Variants in RASGEF1C observed in about 807,000 individuals in gnomAD.
RASGEF1C encodes ras-GEF domain-containing family member 1C.
RASGEF1C carries 27 observed loss-of-function variants against 58.1 expected under a neutral mutation model. That is an observed-to-expected ratio of 0.46 (90% CI 0.34 to 0.64). The LOEUF (loss-of-function observed/expected upper bound fraction) is 0.64. Among genes scored for constraint, RASGEF1C ranks in the 30% least tolerant of loss-of-function variants. RASGEF1C has a pLI of 0.01. For synonymous variants in RASGEF1C, 243 were observed against 246.3 expected (o/e 0.99, Z 0.13); for missense variants, 502 against 605.1 (o/e 0.83, Z 1.79).
chr5:180,117,364 C>T (rs1258245383), intron 10 of RASGEF1C, among the ~76,000 whole-genome samples: 3 of 152,248 alleles, frequency 2.0e-5, no homozygotes, highest in Non-Finnish European at 2.9e-5. Context: ...ACTGGCTTCC[C>T]TCCAGTGCAA....
intron 11 of RASGEF1C, among the ~76,000 whole-genome samples, chr5:180,113,706 G>C (rs1236181913): frequency 1.4e-5 from 2 of 139,912 alleles, no homozygotes; most frequent in South Asian, 2.4e-4. Context: ...CGGAGGGATC[G>C]GGGATGGATG....
intron 1 of RASGEF1C, among the ~76,000 whole-genome samples, chr5:180,163,839 A>G (rs1766980885): frequency 6.6e-6 from 1 of 152,326 alleles, no homozygotes; most frequent in South Asian, 2.1e-4. Flanking sequence ...GATTGGTAGA[A>G]TTTACCAGTA....
chr5:180,107,108 C>T (rs979184317), intron 12 of RASGEF1C, among the ~76,000 whole-genome samples: 4 of 152,130 alleles, frequency 2.6e-5, no homozygotes, highest in Admixed American at 6.5e-5. Flanking sequence ...TTAATATTAG[C>T]ATGCTATATC....
At chr5:180,164,385 C>G (rs1424830061) in intron 1 of RASGEF1C, among the ~76,000 whole-genome samples, 1 of 152,098 alleles carries the variant, frequency 6.6e-6, no homozygotes, top group South Asian at 2.1e-4. Flanking sequence ...AAAAGATTTT[C>G]CTTGACAAGA....
intron 1 of RASGEF1C, among the ~76,000 whole-genome samples, chr5:180,152,978 G>T (rs1267509262): frequency 1.3e-5 from 2 of 151,368 alleles, no homozygotes; most frequent in African/African-American, 4.9e-5. Flanking sequence ...AGGTATAAAT[G>T]GTAAGTCTTC....
At chr5:180,204,680 T>A (rs1756459777) in intron 1 of RASGEF1C, among the ~76,000 whole-genome samples, 1 of 151,838 alleles carries the variant, frequency 6.6e-6, no homozygotes, top group African/African-American at 2.4e-5. Context: ...TCTCTTCCCA[T>A]CCTAAAGTCA....
chr5:180,136,715 C>T, intron 3 of RASGEF1C, 200 bp from the exon 4 acceptor site: 1 of 595,124 alleles, frequency 1.7e-6, no homozygotes, highest in Non-Finnish European at 2.9e-6. Context: ...TGGGCAGGGC[C>T]ATCTCTTGCT....
chr5:180,170,371 C>G (rs1220709477), intron 1 of RASGEF1C, among the ~76,000 whole-genome samples: 1 of 152,222 alleles, frequency 6.6e-6, no homozygotes, highest in Non-Finnish European at 1.5e-5. Flanking sequence ...AAACAAGCGT[C>G]CTATTTACCA....
At chr5:180,113,725 C>G (rs752524841) in intron 11 of RASGEF1C, among the ~76,000 whole-genome samples, 42 of 43,322 alleles carry the variant, frequency 9.7e-4, no homozygotes, top group Non-Finnish European at 1.0e-3. Flanking sequence ...TGGAGGGATC[C>G]GGGCTGGACG....
At chr5:180,200,806 A>G (rs1005336912) in intron 1 of RASGEF1C, among the ~76,000 whole-genome samples, 1 of 152,032 alleles carries the variant, frequency 6.6e-6, no homozygotes, top group Non-Finnish European at 1.5e-5. Context: ...CGCTCCTCTA[A>G]CTGGTGTGGG....
Position 180,196,529 on chromosome 5 carries a change from A to C in RASGEF1C, c.-7+12499T>G, listed in dbSNP as rs1287446860. 2.6e-5 allele frequency among the ~76,000 whole-genome samples: 4 copies of C among 151,860 alleles called. No individual in the cohort carries two copies. The East Asian group carries it at 7.7e-4, about 29-fold the overall frequency. Reference sequence around the variant, plus strand: ...AGAAAAAAAAAGAAAAAAAAAAAAGAAATAGTATTGTTCAGGTTTTGTATT... The same window carrying C: ...AGAAAAAAAAAGAAAAAAAAAAAAGCAATAGTATTGTTCAGGTTTTGTATT... On this transcript the variant is annotated intron_variant, in intron 1 of 13. Coordinates refer to ENST00000361132, the MANE Select transcript of RASGEF1C (RefSeq NM_175062.4).
chr5:180,186,041 G>A (rs1756029361), intron 1 of RASGEF1C, among the ~76,000 whole-genome samples: 1 of 145,528 alleles, frequency 6.9e-6, no homozygotes, highest in Admixed American at 7.0e-5. Context: ...AGGTTGCAGT[G>A]AGCCAAGATC....
chr5:180,161,734 C>G (rs544202505), intron 1 of RASGEF1C, among the ~76,000 whole-genome samples: 2 of 152,384 alleles, frequency 1.3e-5, no homozygotes, highest in Non-Finnish European at 2.9e-5. Context: ...AGCCCCCTCC[C>G]TCCTGCGCGT....
chr5:180,156,275 G>A lies in RASGEF1C; in HGVS notation c.-6-18217C>T, dbSNP rs990716175. ...GACGGCACTGCCCCTGCTGGACGGAGGCTCCAGGAGGTGAGCGGATCAGTC... is the reference window on the plus strand; with the variant it reads ...GACGGCACTGCCCCTGCTGGACGGAAGCTCCAGGAGGTGAGCGGATCAGTC... On this transcript the variant is annotated intron_variant, in intron 1 of 13. Transcript: ENST00000361132. The surrounding 1 kb of genome is among the most constrained non-coding windows in gnomAD (Gnocchi z 4.9). Among the ~76,000 whole-genome samples the A allele has an allele frequency of 6.6e-6, 1 of 152,212 alleles. No individual in the cohort carries two copies. Among genetic ancestry groups the A allele is most frequent in the African/African-American group, 2.4e-5 (1 of 41,452 alleles).
At chr5:180,176,782 T>C (rs1043722719) in intron 1 of RASGEF1C, among the ~76,000 whole-genome samples, 7 of 152,112 alleles carry the variant, frequency 4.6e-5, no homozygotes, top group Non-Finnish European at 1.0e-4. Context: ...GGTCTCGATC[T>C]CCTGACTTCA....
chr5:180,119,507 C>T, intron 7 of RASGEF1C, 59 bp from the exon 8 acceptor site: 3 of 1,324,244 alleles, frequency 2.3e-6, no homozygotes, highest in Non-Finnish European at 3.2e-6. Flanking sequence ...CCTGATCAGG[C>T]CCGCTCCCCT....
At chr5:180,172,348 G>A (rs1292591912) in intron 1 of RASGEF1C, among the ~76,000 whole-genome samples, 5 of 152,024 alleles carry the variant, frequency 3.3e-5, no homozygotes, top group Non-Finnish European at 7.4e-5. Context: ...AGGCAGGAAC[G>A]GCCACCTGGC....
intron 1 of RASGEF1C, among the ~76,000 whole-genome samples, chr5:180,148,236 G>C (rs956522081): frequency 1.3e-5 from 2 of 151,874 alleles, no homozygotes; most frequent in African/African-American, 4.8e-5. Context: ...TTATGACTTT[G>C]GATCTAAAAT....
intron 12 of RASGEF1C, 31 bp downstream of exon 12, chr5:180,111,426 A>G (rs774240734): frequency 6.2e-7 from 1 of 1,613,838 alleles, no homozygotes; most frequent in Non-Finnish European, 8.5e-7. Flanking sequence ...TCCGTGGCCC[A>G]GTAGGCAGGA....
Sources: allele counts gnomAD v4.1 joint callset (sites outside exome capture counted in the v4.1 genomes callset), GRCh38; gene constraint gnomAD v4.1.1; non-coding constraint Gnocchi (gnomAD v3.1); transcripts MANE v1.5; gene names NCBI Gene and HGNC (gene_info 2026-07-23, HGNC 2026-07-21).